Variants in TACC2 observed in about 807,000 individuals in gnomAD.
TACC2 encodes transforming acidic coiled-coil containing protein 2.
A neutral mutation model predicts 227.3 loss-of-function variants in TACC2; 137 were observed. The ratio of observed to expected loss-of-function variants is 0.60; its 90% confidence interval spans 0.52 to 0.69. The LOEUF (loss-of-function observed/expected upper bound fraction) is 0.69. Ranked by LOEUF, TACC2 falls within the 30% of genes least tolerant of loss-of-function variation. TACC2 has a pLI of 0.00. For missense variants in TACC2, 3,470 were observed against 3,694.4 expected (o/e 0.94, Z 1.57); for synonymous variants, 1,523 against 1,487.5 (o/e 1.02, Z -0.55).
intron 7 of TACC2, among the ~76,000 whole-genome samples, chr10:122,173,778 G>T (rs763598237): frequency 3.3e-5 from 5 of 152,228 alleles, no homozygotes; most frequent in Non-Finnish European, 7.3e-5. Context: ...TGTCCTTCCT[G>T]CCCAGCCTTT....
At chr10:122,022,381 C>G (rs2461220) in intron 2 of TACC2, 105,824 of 183,344 alleles carry the variant, frequency 0.58, 30,830 homozygotes, top group East Asian at 0.69. Context: ...GTGTCTGGGA[C>G]TACAGGCATG....
intron 18 of TACC2, among the ~76,000 whole-genome samples, chr10:122,238,855 G>A (rs7090085): frequency 0.11 from 16,929 of 152,152 alleles, 2,777 homozygotes; most frequent in African/African-American, 0.36. Context: ...TGGATATAAC[G>A]TAATTAATTT....
intron 5 of TACC2, among the ~76,000 whole-genome samples, chr10:122,103,627 T>TG (rs1465266974): frequency 2.0e-5 from 3 of 152,232 alleles, no homozygotes; most frequent in Non-Finnish European, 2.9e-5. Flanking sequence ...TGGCAGATGA[T>TG]GGGGTCATCT....
chr10:122,243,392 A>G (rs2096048002), intron 19 of TACC2, among the ~76,000 whole-genome samples: 1 of 152,170 alleles, frequency 6.6e-6, no homozygotes, highest in African/African-American at 2.4e-5. Context: ...TCACACCTCT[A>G]GCTTGTCCCA....
At chr10:122,135,850 G>T (rs2089512281) in intron 6 of TACC2, among the ~76,000 whole-genome samples, 1 of 152,224 alleles carries the variant, frequency 6.6e-6, no homozygotes, top group Admixed American at 6.5e-5. Context: ...GCAAACAAGT[G>T]TCCTTACGTG....
rs995061841 is a variant in TACC2, at chr10:122,180,634, G to T, written c.5835-14406G>T. On this transcript the variant is annotated intron_variant, in intron 7 of 22. Transcript: ENST00000369005. The surrounding 1 kb of genome is among the most constrained non-coding windows in gnomAD (Gnocchi z 4.5). ...ATTACAGGCATGAGCCACCGCACCC[G>T]GCCTCTTCCCTCGAGTTCTAATGAC... Among the ~76,000 whole-genome samples the T allele has an allele frequency of 6.6e-6, 1 of 152,062 alleles. No homozygotes were observed. The highest frequency in any genetic ancestry group is 6.6e-5 in the Admixed American group (1 of 15,266).
intron 1 of TACC2, among the ~76,000 whole-genome samples, chr10:122,015,111 A>T (rs1591056546): frequency 1.7e-5 from 1 of 57,508 alleles, no homozygotes; most frequent in South Asian, 1.1e-3. Flanking sequence ...TGCTATAAAA[A>T]AAAAAAAAAA....
chr10:122,251,741 C>T (rs1441821766), intron 22 of TACC2, among the ~76,000 whole-genome samples: 1 of 152,200 alleles, frequency 6.6e-6, no homozygotes, highest in Non-Finnish European at 1.5e-5. Flanking sequence ...CCATACTTCA[C>T]AGTCATTTTG....
intron 1 of TACC2, among the ~76,000 whole-genome samples, chr10:121,996,745 A>G (rs1204083733): frequency 6.6e-6 from 1 of 152,118 alleles, no homozygotes; most frequent in Non-Finnish European, 1.5e-5. Flanking sequence ...GGCTTGAGGG[A>G]AAGATGTTAA....
chr10:122,188,786 C>A (rs547949840), intron 7 of TACC2, among the ~76,000 whole-genome samples: 1 of 152,174 alleles, frequency 6.6e-6, no homozygotes, highest in Non-Finnish European at 1.5e-5. Context: ...AACATAGCCA[C>A]GAAGTGATAG....
At chr10:122,157,138 T>C (rs2092540828) in intron 7 of TACC2, among the ~76,000 whole-genome samples, 1 of 152,126 alleles carries the variant, frequency 6.6e-6, no homozygotes, top group Non-Finnish European at 1.5e-5. Flanking sequence ...AATAGACTTG[T>C]GAAGACAGGA....
chr10:121,997,175 C>A (rs190731996), intron 1 of TACC2, among the ~76,000 whole-genome samples: 1 of 152,292 alleles, frequency 6.6e-6, no homozygotes, highest in African/African-American at 2.4e-5. Flanking sequence ...TCAATTGGGG[C>A]ACATTTGGTT....
chr10:122,202,115 T>C (rs917344690), intron 8 of TACC2, among the ~76,000 whole-genome samples: 55 of 151,058 alleles, frequency 3.6e-4, no homozygotes, highest in Non-Finnish European at 6.5e-4. Flanking sequence ...ATTTCCCATC[T>C]ATAAGCTTTT....
At chr10:122,071,719 C>CA (rs145636754) in intron 3 of TACC2, among the ~76,000 whole-genome samples, 79,434 of 108,488 alleles carry the variant, frequency 0.73, 29,312 homozygotes, top group South Asian at 0.79. Context: ...ACTAAAAATA[C>CA]AAAAAAAAAA....
rs879212764 is a variant in TACC2, at chr10:122,237,619, T to G, written c.8271+81T>G. ...TCGTGGTCCACAAAGCCAGAGTCTTTGGAGACAGACTTTGTCCTCTGAACG... is the reference window on the plus strand; with the variant it reads ...TCGTGGTCCACAAAGCCAGAGTCTTGGGAGACAGACTTTGTCCTCTGAACG... On this transcript the variant is annotated intron_variant, in intron 17 of 22. Transcript: ENST00000369005. 1.1e-5 allele frequency: 16 copies of G among 1,521,136 alleles called. No individual in the cohort carries two copies. In the South Asian group the frequency reaches 2.1e-4, roughly 20 times the overall value. 94.2% of individuals were successfully genotyped at this position (1,521,136 alleles called of 1,614,324 possible).
intron 2 of TACC2, chr10:122,023,813 T>G: frequency 1.2e-5 from 1 of 83,924 alleles, no homozygotes; most frequent in Admixed American, 1.5e-4. Context: ...AAAAAAGAAA[T>G]CCTGAGGGGG....
In TACC2 at chr10:122,211,553, G is replaced by A. The variant is rs770069199; in HGVS notation, c.7128G>A (p.Glu2376=). 6.8e-6 allele frequency: 11 copies of A among 1,613,884 alleles called. No individual in the cohort carries two copies. Residue 2376 remains glutamate, a synonymous_variant, in exon 9 of 23, where the codon GAG becomes GAA. Coordinates refer to ENST00000369005, the MANE Select transcript of TACC2 (RefSeq NM_206862.4). The stretch of plus-strand genomic sequence containing the variant: ...ACTTTGACCCAGACACCTGTGATGA[G>A]TCCGTTGACCCCTTTAAGACATCCT... ...SYNFDPDTCD[E]SVDPFKTSSK...
At chr10:122,116,947 A>G (rs1262077059) in intron 5 of TACC2, among the ~76,000 whole-genome samples, 3 of 151,662 alleles carry the variant, frequency 2.0e-5, no homozygotes, top group Admixed American at 1.3e-4. Context: ...AGTGAGTGCA[A>G]AGCCCTTCAC....
intron 2 of TACC2, among the ~76,000 whole-genome samples, chr10:122,035,480 A>G (rs1317399614): frequency 6.6e-6 from 1 of 152,224 alleles, no homozygotes; most frequent in Non-Finnish European, 1.5e-5. Context: ...TCAGCAGTGA[A>G]CAATTCAGCT....
Sources: allele counts gnomAD v4.1 joint callset (sites outside exome capture counted in the v4.1 genomes callset), GRCh38; gene constraint gnomAD v4.1.1; non-coding constraint Gnocchi (gnomAD v3.1); transcripts MANE v1.5; gene names NCBI Gene and HGNC (gene_info 2026-07-23, HGNC 2026-07-21).